The following THSD7B variants were observed in gnomAD, a reference collection of about 807,000 sequenced individuals.
The protein encoded by THSD7B is thrombospondin type 1 domain containing 7B.
Under a neutral mutation model 213.6 loss-of-function variants are expected in THSD7B, and 138 were observed. The ratio of observed to expected loss-of-function variants is 0.65; its 90% CI spans 0.56 to 0.74. THSD7B has a LOEUF of 0.74. Among genes scored for constraint, THSD7B ranks in the 30% least tolerant of loss-of-function variants. The probability of loss-of-function intolerance (pLI) is 0.00; values close to 1 mark genes in which losing one functional copy is unlikely to be tolerated. For synonymous variants in THSD7B, 742 were observed against 687.0 expected, an observed-to-expected ratio of 1.08 and a Z score of -1.25; for missense variants, 1,931 against 1,991.5, an observed-to-expected ratio of 0.97 and a Z score of 0.58.
At chr2:136,867,664 T>A (rs191768768) in intron 1 of THSD7B, among the ~76,000 whole-genome samples, 1 of 152,346 alleles carries the variant, frequency 6.6e-6, no homozygotes, top group Admixed American at 6.5e-5. Context: ...TTTTCTTTAA[T>A]GCATTCATGA....
rs1364209319 is a variant in THSD7B, at chr2:137,057,156, T to C, written c.876T>C (p.Ser292=). 1.9e-6 allele frequency: 3 copies of C among 1,613,876 alleles called. No individual in the cohort carries two copies. Among genetic ancestry groups the C allele is most frequent in the Admixed American group, 1.7e-5 (1 of 59,998 alleles). ...QSYKAHHHSK[S]WAIEIGYQTR... ...ACAAAGCACATCATCATTCGAAGTC[T>C]TGGGCAATAGAGATAGGTTATCAAA... The change falls in exon 3 of 28, where the codon TCT becomes TCC. Residue 292 remains serine, a synonymous_variant. Transcript: ENST00000409968.
At chr2:137,409,595 T>A (rs73958851) in intron 13 of THSD7B, among the ~76,000 whole-genome samples, 2 of 152,168 alleles carry the variant, frequency 1.3e-5, no homozygotes, top group African/African-American at 4.8e-5. Flanking sequence ...GAAATATGTA[T>A]GATAATTAAC....
At chr2:137,670,749 G>A (rs963059900) in intron 27 of THSD7B, among the ~76,000 whole-genome samples, 10 of 151,832 alleles carry the variant, frequency 6.6e-5, no homozygotes, top group Non-Finnish European at 1.5e-4. Context: ...GTGAAACCCC[G>A]TCTCTACTAA....
chr2:137,191,285 T>G (rs1174247446), intron 7 of THSD7B, among the ~76,000 whole-genome samples: 1 of 152,230 alleles, frequency 6.6e-6, no homozygotes. Context: ...TCCATGTTAG[T>G]TTGCTACCAG....
chr2:137,524,632 T>G (rs952566796), intron 15 of THSD7B, among the ~76,000 whole-genome samples: 3 of 152,186 alleles, frequency 2.0e-5, no homozygotes, highest in African/African-American at 7.2e-5. Context: ...TTGCTTTGTT[T>G]TGTAAATATC....
intron 7 of THSD7B, among the ~76,000 whole-genome samples, chr2:137,173,214 A>C (rs1680296302): frequency 6.6e-6 from 1 of 152,164 alleles, no homozygotes; most frequent in African/African-American, 2.4e-5. Context: ...TTATTATTCT[A>C]CCCGGTCCTG....
chr2:137,553,658 A>G (rs959585367), intron 15 of THSD7B, among the ~76,000 whole-genome samples: 2 of 152,174 alleles, frequency 1.3e-5, no homozygotes, highest in Non-Finnish European at 1.5e-5. Context: ...TTTAGCATCT[A>G]TGGCCCTATT....
At chr2:137,453,326 C>CTTTTTTTTTT (rs70978223) in intron 15 of THSD7B, among the ~76,000 whole-genome samples, 7 of 96,856 alleles carry the variant, frequency 7.2e-5, no homozygotes, top group Non-Finnish European at 9.1e-5. Context: ...TTGAAATTTA[C>CTTTTTTTTTT]TTTTTTTTTT....
At chr2:137,620,930 G>A (rs1405054597) in intron 20 of THSD7B, among the ~76,000 whole-genome samples, 1 of 152,156 alleles carries the variant, frequency 6.6e-6, no homozygotes, top group Non-Finnish European at 1.5e-5. Context: ...GATAACAGTG[G>A]CAGACTCCAG....
At chr2:136,807,633 A>C (rs932769111) in intron 1 of THSD7B, among the ~76,000 whole-genome samples, 2 of 150,840 alleles carry the variant, frequency 1.3e-5, no homozygotes, top group Non-Finnish European at 2.9e-5. Flanking sequence ...CAGCCTCCCA[A>C]GTAGCTGGGA....
rs368510451 is a variant in THSD7B at position 137,057,241 on chromosome 2, T to G, written c.950+11T>G. 5.1e-6 allele frequency: 8 copies of G among 1,572,774 alleles called. No individual in the cohort carries two copies. Among genetic ancestry groups the G allele is most frequent in the Non-Finnish European group, 6.9e-6 (8 of 1,158,732 alleles). ...AAATGCTATGTTAAGGTAGGAGACC[T>G]TTGATGCTTGAATTTGATTCACCTA... On this transcript the variant is annotated intron_variant, in intron 3 of 27. Transcript: ENST00000409968.
chr2:137,411,748 G>A lies in THSD7B; in HGVS notation c.2835G>A (p.Glu945=), dbSNP rs181300458. ...GCATTCTTCCAGAAGGCAGAAGGGA[G>A]CCTCACCGAGGACTGCGGGTACAAG... The part of the protein sequence containing the change: ...SDCILPEGRR[E]PHRGLRVQAD... Residue 945 remains glutamate, a synonymous_variant, in exon 14 of 28, where the codon GAG becomes GAA. Transcript: ENST00000409968. The A allele has an allele frequency of 5.1e-5, 82 of 1,613,950 alleles. No homozygotes were observed. In the East Asian group the frequency reaches 9.1e-4, roughly 18 times the overall value.
At chr2:137,421,339 C>G (rs926937084) in intron 14 of THSD7B, among the ~76,000 whole-genome samples, 1 of 152,162 alleles carries the variant, frequency 6.6e-6, no homozygotes, top group Non-Finnish European at 1.5e-5. Flanking sequence ...CCTCCCATAC[C>G]TCCAGGCACC....
At chr2:136,974,205 T>G (rs1685445620) in intron 2 of THSD7B, among the ~76,000 whole-genome samples, 1 of 152,184 alleles carries the variant, frequency 6.6e-6, no homozygotes, top group African/African-American at 2.4e-5. Flanking sequence ...TTTAAAAAAT[T>G]TTTACTTTAA....
At chr2:136,947,206 G>A (rs1274924665) in intron 2 of THSD7B, among the ~76,000 whole-genome samples, 1 of 152,046 alleles carries the variant, frequency 6.6e-6, no homozygotes, top group African/African-American at 2.4e-5. Flanking sequence ...AAGCTTTTTT[G>A]CTTCCTGTTT....
intron 17 of THSD7B, among the ~76,000 whole-genome samples, chr2:137,583,746 G>A (rs1681643623): frequency 6.6e-6 from 1 of 152,166 alleles, no homozygotes; most frequent in Non-Finnish European, 1.5e-5. Context: ...CTGTAGCCTT[G>A]TAGTATAGTT....
At chr2:137,669,254 A>C (rs1683513761) in intron 27 of THSD7B, among the ~76,000 whole-genome samples, 1 of 152,192 alleles carries the variant, frequency 6.6e-6, no homozygotes, top group African/African-American at 2.4e-5. Flanking sequence ...AAGGCTACAC[A>C]GGTTTTTAAA....
intron 10 of THSD7B, among the ~76,000 whole-genome samples, chr2:137,268,984 C>A (rs559163073): frequency 2.0e-5 from 3 of 152,200 alleles, no homozygotes; most frequent in South Asian, 2.1e-4. Flanking sequence ...CAGGAAAATT[C>A]TTTAAAATTG....
At chr2:137,328,904 TC>T (rs1558759615) in intron 12 of THSD7B, among the ~76,000 whole-genome samples, 1 of 152,164 alleles carries the variant, frequency 6.6e-6, no homozygotes, top group African/African-American at 2.4e-5. Flanking sequence ...TCCTGAGGCC[TC>T]CCCAGCCATG....
Sources: allele counts gnomAD v4.1 joint callset (sites outside exome capture counted in the v4.1 genomes callset), GRCh38; gene constraint gnomAD v4.1.1; transcripts MANE v1.5; gene names NCBI Gene and HGNC (gene_info 2026-07-23, HGNC 2026-07-21).